FRMPD3: variants seen among roughly 807,000 people sequenced by gnomAD.
The protein encoded by FRMPD3 is FERM and PDZ domain containing 3.
A neutral mutation model predicts 97.9 loss-of-function variants in FRMPD3; 42 were observed. That is an observed-to-expected ratio of 0.43 (90% CI 0.34 to 0.55). The LOEUF (loss-of-function observed/expected upper bound fraction) is 0.55. FRMPD3 is among the 20% of genes least tolerant of loss of function. FRMPD3 has a pLI of 0.03. For missense variants in FRMPD3, 1,303 were observed against 1,457.7 expected, an observed-to-expected ratio of 0.89 and a Z score of 1.73; for synonymous variants, 577 against 581.1, an observed-to-expected ratio of 0.99 and a Z score of 0.10.
intron 1 of FRMPD3, among the ~76,000 whole-genome samples, chrX:107,489,500 G>T (rs1353353487): frequency 9.0e-6 from 1 of 111,575 alleles, no homozygotes; most frequent in Admixed American, 9.5e-5. Flanking sequence ...AGCACCTGTT[G>T]TTTCCTGACT....
chrX:107,540,445 A>C (rs1430915456), intron 4 of FRMPD3, among the ~76,000 whole-genome samples: 2 of 112,143 alleles, frequency 1.8e-5, no homozygotes, highest in Admixed American at 9.4e-5. Context: ...TTGAGTGATC[A>C]CAACCCTGAC....
At chrX:107,583,538 AC>A (rs1476654418) in intron 13 of FRMPD3, among the ~76,000 whole-genome samples, 5 of 112,116 alleles carry the variant, frequency 4.5e-5, no homozygotes, top group Admixed American at 3.8e-4. Flanking sequence ...AAATAGTGCT[AC>A]AATAAACATA....
chrX:107,528,920 C>G (rs1008513103), intron 2 of FRMPD3, among the ~76,000 whole-genome samples: 6 of 113,047 alleles, frequency 5.3e-5, no homozygotes, highest in Admixed American at 9.3e-5. Context: ...CACATAGGCT[C>G]TACACTCCAG....
intron 1 of FRMPD3, among the ~76,000 whole-genome samples, chrX:107,516,916 A>G (rs1188739705): frequency 9.0e-6 from 1 of 111,405 alleles, no homozygotes; most frequent in Non-Finnish European, 1.9e-5. Context: ...TTTTGTTGCC[A>G]TTGCTTTTGG....
At chrX:107,497,576 A>G (rs1921805209) in intron 1 of FRMPD3, among the ~76,000 whole-genome samples, 2 of 112,252 alleles carry the variant, frequency 1.8e-5, no homozygotes, top group Non-Finnish European at 3.8e-5. Context: ...CCTCAAGCCA[A>G]TGATCTGGAG....
intron 1 of FRMPD3, among the ~76,000 whole-genome samples, chrX:107,524,945 G>A (rs755816551): frequency 6.0e-4 from 55 of 91,986 alleles, no homozygotes; most frequent in Non-Finnish European, 3.9e-4. Context: ...GCAGTGAGCC[G>A]AGATCGTGCC....
chrX:107,585,011 T>C (rs1923580724), intron 13 of FRMPD3, among the ~76,000 whole-genome samples: 1 of 112,258 alleles, frequency 8.9e-6, no homozygotes, highest in Admixed American at 9.5e-5. Context: ...GGGAATAGCA[T>C]TGAATCTATA....
chrX:107,557,837 A>ATATATATG (rs2147592445), intron 8 of FRMPD3, among the ~76,000 whole-genome samples: 1 of 72,419 alleles, frequency 1.4e-5, no homozygotes, highest in East Asian at 4.0e-4. Context: ...ATATATATAT[A>ATATATATG]TATAGATCTA....
Position 107,600,875 on chromosome X carries a change from G to T in FRMPD3, c.2836G>T (p.Asp946Tyr). The T allele has an allele frequency of 8.3e-7, 1 of 1,209,326 alleles. No individual in the cohort carries two copies. The highest frequency in any genetic ancestry group is 1.1e-6 in the Non-Finnish European group (1 of 894,811). ...CAGGTTGAGCCCCAAGCTTATCCTC[G>T]ACCCAAAGAGCAGTGTGACCCCTGC... The part of the protein sequence containing the change: ...EVRLSPKLIL[D>Y]PKSSVTPAII... Residue 946 changes from aspartate (D) to tyrosine (Y), a missense_variant, in exon 15 of 15, where the codon GAC (aspartate) becomes TAC (tyrosine). Asp to Tyr is a radical substitution (Grantham distance 160). This residue lies in a region of FRMPD3 where 764 missense variants were observed against 820.2 expected (regional missense o/e 0.93). Transcript: ENST00000683843.
chrX:107,533,045 C>T (rs1258818638), intron 3 of FRMPD3, among the ~76,000 whole-genome samples: 1 of 111,635 alleles, frequency 9.0e-6, no homozygotes, highest in Non-Finnish European at 1.9e-5. Context: ...GACCAAATGA[C>T]CTCCTTTGGG....
intron 1 of FRMPD3, among the ~76,000 whole-genome samples, chrX:107,518,947 G>T (rs1922426029): frequency 8.9e-6 from 1 of 112,470 alleles, no homozygotes; most frequent in African/African-American, 3.2e-5. Context: ...AAGACATTAT[G>T]CTAAGCAAAA....
At chrX:107,566,004 G>C (rs899275405) in intron 12 of FRMPD3, among the ~76,000 whole-genome samples, 3 of 112,555 alleles carry the variant, frequency 2.7e-5, no homozygotes, top group Non-Finnish European at 5.6e-5. Context: ...GCAGAGCCTT[G>C]TCCTTATTTC....
Position 107,601,517 on chromosome X carries a change from G to A in FRMPD3, c.3478G>A (p.Gly1160Ser), listed in dbSNP as rs1264842020. 6 of 1,174,219 alleles carry A rather than the reference G, an allele frequency of 5.1e-6. No homozygotes were observed. The highest frequency in any genetic ancestry group is 2.3e-4 in the Middle Eastern group (1 of 4,310). The change falls in exon 15 of 15, where the codon GGT becomes AGT. Residue 1160 changes from glycine (G) to serine (S), a missense_variant. Gly to Ser is a moderately conservative substitution (Grantham distance 56, BLOSUM62 0). Coordinates refer to ENST00000683843, the MANE Select transcript of FRMPD3 (RefSeq NM_001388459.1). ...CCACAGCCCCAGCAGCCAGTCTCGAGGTCAGAGCCCCAGCTGCCAACCTCG... is the reference window on the plus strand; with the variant it reads ...CCACAGCCCCAGCAGCCAGTCTCGAAGTCAGAGCCCCAGCTGCCAACCTCG... ...HGHSPSSQSRGQSPSCQPRGQ... is the reference protein window; with the variant it reads ...HGHSPSSQSRSQSPSCQPRGQ...
At chrX:107,590,945 G>A (rs952900529) in intron 13 of FRMPD3, among the ~76,000 whole-genome samples, 7 of 111,380 alleles carry the variant, frequency 6.3e-5, no homozygotes, top group Admixed American at 9.6e-5. Flanking sequence ...TTTGATTTTT[G>A]GAAGGGTTTG....
rs1291948110 is a variant in FRMPD3, at chrX:107,488,683, C to T, written c.-7-37899C>T. 2.7e-5 allele frequency among the ~76,000 whole-genome samples: 3 copies of T among 111,302 alleles called. No individual in the cohort carries two copies. The Admixed American group carries it at 2.9e-4, about 11-fold the overall frequency. ...CTAGGTGTTTTGGATTTGATTGCAA[C>T]CCGGCACTTTCAGTCCAGTGGGTTT... On this transcript the variant is annotated intron_variant, in intron 1 of 14. Transcript: ENST00000683843.
chrX:107,465,596 T>C (rs1602751431), intron 1 of FRMPD3, among the ~76,000 whole-genome samples: 2 of 111,966 alleles, frequency 1.8e-5, no homozygotes, highest in African/African-American at 6.5e-5. Context: ...TGTATGAGAT[T>C]GGAGCAGGCC....
At chrX:107,551,025 G>A (rs1489263120) in intron 6 of FRMPD3, among the ~76,000 whole-genome samples, 1 of 111,987 alleles carries the variant, frequency 8.9e-6, no homozygotes, top group Non-Finnish European at 1.9e-5. Flanking sequence ...GGAGTTATCA[G>A]GTACTCAGAA....
At chrX:107,504,468 A>G (rs1031363372) in intron 1 of FRMPD3, among the ~76,000 whole-genome samples, 2 of 112,636 alleles carry the variant, frequency 1.8e-5, no homozygotes, top group African/African-American at 3.2e-5. Flanking sequence ...GCAAGACCCT[A>G]TATTTCCTTA....
At chrX:107,578,937 G>A (rs1222435861) in intron 13 of FRMPD3, among the ~76,000 whole-genome samples, 1 of 111,377 alleles carries the variant, frequency 9.0e-6, no homozygotes, top group Non-Finnish European at 1.9e-5. Context: ...GGGCACAACT[G>A]AGGAGACCTC....
Sources: allele counts gnomAD v4.1 joint callset (sites outside exome capture counted in the v4.1 genomes callset), GRCh38; gene constraint gnomAD v4.1.1; regional missense constraint gnomAD v4.1.1; transcripts MANE v1.5; gene names NCBI Gene and HGNC (gene_info 2026-07-23, HGNC 2026-07-21).